TUT4: variants seen among roughly 807,000 people sequenced by gnomAD.
TUT4 encodes the protein terminal uridylyl transferase 4.
In TUT4, 36 loss-of-function variants were observed where a neutral mutation model predicts 192.2. The observed-to-expected ratio is 0.19, with a 90% CI of 0.14 to 0.25. The LOEUF is 0.25. Ranked by LOEUF, TUT4 falls within the 10% of genes least tolerant of loss-of-function variation. The probability of loss-of-function intolerance (pLI) is 1.00; values close to 1 mark genes in which losing one functional copy is unlikely to be tolerated. For synonymous variants in TUT4, 618 were observed against 666.0 expected (o/e 0.93, Z 1.11); for missense variants, 1,493 against 1,957.2 (o/e 0.76, Z 4.47).
intron 24 of TUT4, among the ~76,000 whole-genome samples, chr1:52,443,728 A>G (rs1009459996): frequency 2.0e-5 from 3 of 152,044 alleles, no homozygotes; most frequent in Non-Finnish European, 2.9e-5. Context: ...GCACGACTGC[A>G]CTCCAGCCTG....
At chr1:52,479,002 AAG>A (rs1228865612) in intron 11 of TUT4, among the ~76,000 whole-genome samples, 2 of 152,184 alleles carry the variant, frequency 1.3e-5, no homozygotes, top group African/African-American at 4.8e-5. Flanking sequence ...CAGAAAAAAA[AAG>A]AGTTGAGTAC....
intron 19 of TUT4, among the ~76,000 whole-genome samples, chr1:52,459,851 C>T (rs1662075931): frequency 6.6e-6 from 1 of 151,940 alleles, no homozygotes; most frequent in South Asian, 2.1e-4. Flanking sequence ...CACTGCACGC[C>T]AGCCTGGGTG....
At chr1:52,426,568 A>T (rs1478219813) in intron 28 of TUT4, among the ~76,000 whole-genome samples, 3 of 152,112 alleles carry the variant, frequency 2.0e-5, no homozygotes, top group African/African-American at 4.8e-5. Context: ...AGCAAAAAAA[A>T]CTAAAGCCCG....
chr1:52,522,277 T>C (rs535896153), intron 2 of TUT4, among the ~76,000 whole-genome samples: 4 of 152,374 alleles, frequency 2.6e-5, no homozygotes, highest in African/African-American at 9.6e-5. Flanking sequence ...CTTGGTCTAC[T>C]AGCTTCCTTA....
intron 9 of TUT4, 45 bp from the exon 10 acceptor site, chr1:52,481,968 A>C: frequency 1.4e-6 from 2 of 1,410,108 alleles, no homozygotes; most frequent in Non-Finnish European, 1.9e-6. Flanking sequence ...AGCTTTCTTA[A>C]TTTTCATGAT....
chr1:52,446,772 ACTT>A (rs941017868), intron 20 of TUT4, 105 bp from the exon 21 acceptor site: 4 of 721,598 alleles, frequency 5.5e-6, no homozygotes, highest in African/African-American at 5.4e-5. Context: ...ATACTAAAAT[ACTT>A]CTTCCAAAAA....
rs116080636 is a variant in TUT4, at chr1:52,525,715, G to A, written c.566C>T (p.Thr189Ile). Reference sequence around the variant, plus strand: ...TTCAATATTCACTTTGTCCACAGAAGTAAAGGAGCTTGGAATTTTTTTTCC... The same window carrying A: ...TTCAATATTCACTTTGTCCACAGAAATAAAGGAGCTTGGAATTTTTTTTCC... ...QIGKKIPSSF[T>I]SVDKVNIEAV... Residue 189 changes from threonine to isoleucine, a missense_variant, in exon 2 of 30, where the codon ACT (threonine) becomes ATT (isoleucine). Coordinates refer to ENST00000257177, the MANE Select transcript of TUT4 (RefSeq NM_001009881.3). 2.4e-3 allele frequency: 3,869 copies of A among 1,614,158 alleles called. 74 individuals carry two copies. The African/African-American group carries it at 0.046, about 19-fold the overall frequency.
chr1:52,458,447 T>C lies in TUT4; in HGVS notation c.3324A>G (p.Arg1108=), dbSNP rs1242582195. 1.2e-6 allele frequency: 2 copies of C among 1,609,980 alleles called. No homozygotes were observed. The highest frequency in any genetic ancestry group is 1.7e-6 in the Non-Finnish European group (2 of 1,177,386). ...LGYTMKVFAK[R]CDIGDASRGS... ...CCCTGGAAGCATCCCCAATGTCACA[T>C]CGCTAAAAAACAACATGATTGAAAA... is the stretch of plus-strand genomic sequence containing the variant. Residue 1108 remains arginine, a splice_region_variant and synonymous_variant, in exon 20 of 30, where the codon CGA becomes CGG. Coordinates refer to ENST00000257177, the MANE Select transcript of TUT4 (RefSeq NM_001009881.3).
chr1:52,456,444 A>AAAAAAAAG (rs1660985976), intron 20 of TUT4, among the ~76,000 whole-genome samples: 1 of 148,552 alleles, frequency 6.7e-6, no homozygotes, highest in Non-Finnish European at 1.5e-5. Flanking sequence ...AAAAAGATAA[A>AAAAAAAAG]ATAGATTTAG....
Position 52,445,812 on chromosome 1 carries a change from A to G in TUT4, c.3797T>C (p.Phe1266Ser), listed in dbSNP as rs1299195190. 1 of 1,612,596 alleles carries G rather than the reference A, an allele frequency of 6.2e-7. No individual in the cohort carries two copies. Among genetic ancestry groups the G allele is most frequent in the East Asian group, 2.2e-5 (1 of 44,752 alleles). The change falls in exon 24 of 30, where the codon TTT becomes TCT. Residue 1266 changes from phenylalanine to serine, a missense_variant. By Grantham distance (155) the Phe-to-Ser change is radical. Coordinates refer to ENST00000257177, the MANE Select transcript of TUT4 (RefSeq NM_001009881.3). ...AGCTTCTCTGCCAATGAGTGGATAAAAAGGGGTACCAAAAAGTTTCCTTCC... is the reference window on the plus strand; with the variant it reads ...AGCTTCTCTGCCAATGAGTGGATAAGAAGGGGTACCAAAAAGTTTCCTTCC... The part of the protein sequence containing the change: ...INGRKLFGTP[F>S]YPLIGREAEY...
At chr1:52,502,232 T>C (rs1674338171) in intron 4 of TUT4, among the ~76,000 whole-genome samples, 1 of 152,034 alleles carries the variant, frequency 6.6e-6, no homozygotes, top group Non-Finnish European at 1.5e-5. Context: ...TCAATTTGCA[T>C]TTCTAGGCCT....
chr1:52,429,657 T>C (rs1445533668), intron 28 of TUT4, among the ~76,000 whole-genome samples: 2 of 151,884 alleles, frequency 1.3e-5, no homozygotes, highest in African/African-American at 4.8e-5. Context: ...AATGGCATGA[T>C]CTCAACTCAC....
intron 20 of TUT4, among the ~76,000 whole-genome samples, chr1:52,449,802 T>C (rs1343498979): frequency 6.6e-6 from 1 of 152,196 alleles, no homozygotes; most frequent in Non-Finnish European, 1.5e-5. Flanking sequence ...TGAGATTCCC[T>C]GGCAACCACC....
chr1:52,504,643 CAT>C (rs1041480381), intron 4 of TUT4, among the ~76,000 whole-genome samples: 32 of 151,988 alleles, frequency 2.1e-4, no homozygotes, highest in African/African-American at 7.7e-4. Flanking sequence ...AAAAAACAAA[CAT>C]GTTATTAAAC....
chr1:52,495,869 T>C (rs940199695), intron 5 of TUT4, among the ~76,000 whole-genome samples: 3 of 152,178 alleles, frequency 2.0e-5, no homozygotes, highest in Admixed American at 2.0e-4. Context: ...TACATTTATT[T>C]ACTCTTAAAT....
At chr1:52,439,564 A>C (rs547702463) in intron 24 of TUT4, among the ~76,000 whole-genome samples, 2 of 152,324 alleles carry the variant, frequency 1.3e-5, no homozygotes, top group African/African-American at 4.8e-5. Flanking sequence ...CATTTACCTA[A>C]ACTCAAGGAT....
At position 52,425,326 on chromosome 1, in the gene TUT4, A is replaced by C. The variant is rs775678508; in HGVS notation, c.4870+23T>G. The C allele has an allele frequency of 2.5e-6, 4 of 1,608,042 alleles. No homozygotes were observed. The South Asian group carries it at 4.4e-5, about 18-fold the overall frequency. On this transcript the variant is annotated intron_variant, in intron 29 of 29. Transcript: ENST00000257177. ...AGAATAAAACCCACCCAAGCCTGTT[A>C]ACTAATTTGTAAGCAGTGGTACCTT...
chr1:52,519,348 G>A (rs1251087814), intron 2 of TUT4, among the ~76,000 whole-genome samples: 2 of 152,156 alleles, frequency 1.3e-5, no homozygotes, highest in East Asian at 3.8e-4. Context: ...ATTCATGGTT[G>A]TCAGTGGGGA....
intron 4 of TUT4, among the ~76,000 whole-genome samples, chr1:52,509,002 C>T (rs1271712461): frequency 6.6e-6 from 1 of 152,192 alleles, no homozygotes; most frequent in African/African-American, 2.4e-5. Flanking sequence ...TAAAGTTACT[C>T]ATATGCCATG....
Sources: gnomAD v4.1 joint callset for allele counts (sites outside exome capture counted in the v4.1 genomes callset) on GRCh38, gnomAD v4.1.1 for gene constraint, MANE v1.5 for transcripts, NCBI Gene and HGNC (gene_info 2026-07-23, HGNC 2026-07-21) for gene names.